ZFP1: variants seen among roughly 807,000 people sequenced by gnomAD.
The protein encoded by ZFP1 is ZFP1 zinc finger protein.
In ZFP1, 32 loss-of-function variants were observed where a neutral mutation model predicts 38.5. The observed-to-expected ratio is 0.83, with a 90% CI of 0.63 to 1.12. ZFP1 has a LOEUF of 1.12. Ranked by LOEUF, ZFP1 falls within the 50% of genes most tolerant of loss-of-function variation. The probability of loss-of-function intolerance (pLI) is 0.00; values close to 1 mark genes in which losing one functional copy is unlikely to be tolerated. For synonymous variants in ZFP1, 245 were observed against 168.8 expected (o/e 1.45, Z -3.50); for missense variants, 616 against 480.8 (o/e 1.28, Z -2.63).
At chr16:75,129,770 C>T in the ZFP1 span, among the ~76,000 whole-genome samples, 47,830 of 152,082 alleles carry the variant, frequency 0.31, 7,728 homozygotes, top group Non-Finnish European at 0.34. Flanking sequence ...GTGTCCTCAA[C>T]CTTGGCAAAA....
Position 75,166,793 on chromosome 16 carries a change from G to C in ZFP1, c.39G>C (p.Val13=), listed in dbSNP as rs201833464. 1 of 1,614,142 alleles carries C rather than the reference G, an allele frequency of 6.2e-7. No homozygotes were observed. Residue 13 remains valine (V), a synonymous_variant, in exon 3 of 4, where the codon GTG becomes GTC. Coordinates refer to ENST00000570010, the MANE Select transcript of ZFP1 (RefSeq NM_153688.4). ...KSQGSVSFTD[V]TVDFTQEEWE... is the part of the protein sequence containing the mutation. Reference sequence around the variant, plus strand: ...AGGGATCAGTTTCATTCACGGATGTGACTGTGGACTTTACCCAGGAGGAAT... The same window carrying C: ...AGGGATCAGTTTCATTCACGGATGTCACTGTGGACTTTACCCAGGAGGAAT...
the ZFP1 span, among the ~76,000 whole-genome samples, chr16:75,139,387 A>AAAAAAAAAAAAACAAAAAC: frequency 1.2e-4 from 18 of 144,224 alleles, no homozygotes; most frequent in African/African-American, 4.8e-4. Context: ...AAAAAAAAAA[A>AAAAAAAAAAAAACAAAAAC]AAAAAAAAAC....
chr16:75,140,523 C>G, the ZFP1 span, among the ~76,000 whole-genome samples: 1 of 152,194 alleles, frequency 6.6e-6, no homozygotes, highest in Non-Finnish European at 1.5e-5. Context: ...TCTTATTGTC[C>G]CCCCAACTAC....
At chr16:75,158,398 C>T (rs1353542888) in intron 2 of ZFP1, among the ~76,000 whole-genome samples, 2 of 151,586 alleles carry the variant, frequency 1.3e-5, no homozygotes, top group Non-Finnish European at 2.9e-5. Flanking sequence ...ACCCAGGCTG[C>T]AGTGCTGGAG....
rs140707124 is a variant in ZFP1, at chr16:75,153,019, T to G, written c.15+53T>G. The G allele has an allele frequency of 1.3e-4, 210 of 1,602,116 alleles. 3 individuals carry two copies. The East Asian group carries it at 4.6e-3, about 35-fold the overall frequency. On this transcript the variant is annotated intron_variant, in intron 2 of 3. Coordinates refer to ENST00000570010, the MANE Select transcript of ZFP1 (RefSeq NM_153688.4). ...GCTTTTCAGTGCATTTAAGGAAGTT[T>G]ATAAGGATCCAGAAAATGAAATAGA...
the ZFP1 span, among the ~76,000 whole-genome samples, chr16:75,132,960 C>G: frequency 2.6e-4 from 38 of 148,360 alleles, no homozygotes; most frequent in South Asian, 7.8e-3. Flanking sequence ...CGCCCAGCCT[C>G]ATTTCATTTT....
chr16:75,131,938 C>T, the ZFP1 span, among the ~76,000 whole-genome samples: 1 of 150,328 alleles, frequency 6.7e-6, no homozygotes, highest in African/African-American at 2.5e-5. Flanking sequence ...GTACTCCAGC[C>T]GGGACGACAG....
At chr16:75,120,527 T>G in the ZFP1 span, among the ~76,000 whole-genome samples, 11,309 of 149,840 alleles carry the variant, frequency 0.075, 459 homozygotes, top group Admixed American at 0.12. Context: ...GGTTTTTTTT[T>G]GTTTTTTTTT....
the ZFP1 span, among the ~76,000 whole-genome samples, chr16:75,120,417 T>A: frequency 6.6e-6 from 1 of 152,124 alleles, no homozygotes; most frequent in African/African-American, 2.4e-5. Flanking sequence ...AGAAACCTGT[T>A]TTTTCTTATG....
chr16:75,168,342 T>C (rs1309068347), intron 3 of ZFP1, among the ~76,000 whole-genome samples: 1 of 152,016 alleles, frequency 6.6e-6, no homozygotes, highest in Non-Finnish European at 1.5e-5. Flanking sequence ...CTGAACACAT[T>C]GAAAGAAGTA....
the ZFP1 span, among the ~76,000 whole-genome samples, chr16:75,124,070 G>C: frequency 1.3e-5 from 2 of 151,768 alleles, no homozygotes; most frequent in South Asian, 4.2e-4. Context: ...CTCCAGCCTG[G>C]GTGACAAAGT....
chr16:75,122,382 T>C, the ZFP1 span, among the ~76,000 whole-genome samples: 1 of 151,832 alleles, frequency 6.6e-6, no homozygotes, highest in African/African-American at 2.4e-5. Context: ...CAGGACAGAG[T>C]AGGTGACCAA....
the ZFP1 span, among the ~76,000 whole-genome samples, chr16:75,143,001 C>A: frequency 6.6e-6 from 1 of 152,042 alleles, no homozygotes; most frequent in Non-Finnish European, 1.5e-5. Context: ...TGCACCCAGT[C>A]CCCAAATAAA....
chr16:75,157,142 C>T (rs1005914997), intron 2 of ZFP1: 6 of 151,428 alleles, frequency 4.0e-5, no homozygotes, highest in Admixed American at 3.3e-4. Context: ...TGCAGCGTCT[C>T]TTTTTTGGAT....
intron 2 of ZFP1, among the ~76,000 whole-genome samples, chr16:75,164,805 A>G (rs182158122): frequency 6.6e-5 from 5 of 76,112 alleles, no homozygotes; most frequent in African/African-American, 1.1e-4. Context: ...TTTAGTTTCC[A>G]TAAGTTTTTT....
Position 75,170,151 on chromosome 16 carries a change from A to C in ZFP1, c.1041A>C (p.Thr347=). 6.2e-7 allele frequency: 1 copy of C among 1,614,200 alleles called. No homozygotes were observed. Among genetic ancestry groups the C allele is most frequent in the Non-Finnish European group, 8.5e-7 (1 of 1,180,012 alleles). Residue 347 remains threonine (T), a synonymous_variant, in exon 4 of 4, where the codon ACA becomes ACC. Coordinates refer to ENST00000570010, the MANE Select transcript of ZFP1 (RefSeq NM_153688.4). ...TCATCATACACATGAGAACTCATAC[A>C]GGAGAGAAACCCTATGAATGTACTG... The part of the protein sequence containing the change: ...SQLIIHMRTH[T]GEKPYECTEC...
the ZFP1 span, among the ~76,000 whole-genome samples, chr16:75,121,669 AT>A: frequency 6.6e-6 from 1 of 152,178 alleles, no homozygotes; most frequent in Non-Finnish European, 1.5e-5. Context: ...ACGTCTATGT[AT>A]TTATGTGTTG....
chr16:75,162,084 C>T (rs184267196), intron 2 of ZFP1, among the ~76,000 whole-genome samples: 86 of 151,520 alleles, frequency 5.7e-4, no homozygotes, highest in Admixed American at 2.2e-3. Flanking sequence ...CGTGCCCAGC[C>T]GAAATATTTT....
At chr16:75,154,515 C>G (rs1444320608) in intron 2 of ZFP1, among the ~76,000 whole-genome samples, 2 of 151,746 alleles carry the variant, frequency 1.3e-5, no homozygotes, top group East Asian at 1.9e-4. Context: ...CTGCCAAACT[C>G]CCTTCAATGT....
Sources: gnomAD v4.1 joint callset for allele counts (sites outside exome capture counted in the v4.1 genomes callset) on GRCh38, gnomAD v4.1.1 for gene constraint, MANE v1.5 for transcripts, NCBI Gene and HGNC (gene_info 2026-07-23, HGNC 2026-07-21) for gene names.